BCAT1: variants seen among roughly 807,000 people sequenced by gnomAD.
The protein encoded by BCAT1 is branched chain amino acid transaminase 1.
BCAT1 carries 48 observed loss-of-function variants against 52.4 expected under a neutral mutation model. That is an observed-to-expected ratio of 0.92 (90% CI 0.73 to 1.16). The LOEUF is 1.16. Ranked by LOEUF, BCAT1 falls within the 50% of genes most tolerant of loss-of-function variation. BCAT1 has a pLI of 0.00. For synonymous variants in BCAT1, 167 were observed against 161.3 expected (o/e 1.04, Z -0.27); for missense variants, 451 against 457.1 (o/e 0.99, Z 0.12).
rs1458745289 is a variant in BCAT1 at position 24,813,563 on chromosome 12, CACCATGATA to C, written c.*4436_*4444del. ...ATCTGTGGTGTTAATTTATTAGGTG[CACCATGATA>C]ACTCAACATTGTTTGAAAAGAATTC... On this transcript the variant is annotated 3_prime_UTR_variant, in exon 11 of 11. Coordinates refer to ENST00000261192, the MANE Select transcript of BCAT1 (RefSeq NM_005504.7). 6.6e-6 allele frequency: 1 copy of C among 151,940 alleles called. No homozygotes were observed. Among genetic ancestry groups the C allele is most frequent in the Non-Finnish European group, 1.5e-5 (1 of 67,898 alleles). 9.4% of individuals were successfully genotyped at this position (151,940 alleles called of 1,614,324 possible).
chr12:24,894,479 G>A lies in BCAT1; in HGVS notation c.79-4C>T, dbSNP rs868750341. On this transcript the variant is annotated splice_region_variant and splice_polypyrimidine_tract_variant and intron_variant, in intron 2 of 10. Coordinates refer to ENST00000261192, the MANE Select transcript of BCAT1 (RefSeq NM_005504.7). ...GTGTGACTATTAGGTCTTTAGCCTG[G>A]GGAAGAAAAATCATCACTATTTACA... The A allele has an allele frequency of 6.3e-7, 1 of 1,578,596 alleles. No homozygotes were observed. The highest frequency in any genetic ancestry group is 8.6e-7 in the Non-Finnish European group (1 of 1,160,764).
intron 1 of BCAT1, chr12:24,945,691 G>A (rs1052640027): frequency 4.6e-5 from 7 of 152,174 alleles, no homozygotes; most frequent in Admixed American, 1.3e-4. Flanking sequence ...AAAATTAGCT[G>A]GGCATGGTGG....
chr12:24,819,594 C>T (rs1027521689), intron 10 of BCAT1, among the ~76,000 whole-genome samples: 3 of 152,124 alleles, frequency 2.0e-5, no homozygotes, highest in African/African-American at 7.2e-5. Context: ...GACACTAAGG[C>T]TCTAGGTCAC....
At chr12:24,947,086 A>G (rs1158956131) in intron 1 of BCAT1, among the ~76,000 whole-genome samples, 2 of 150,932 alleles carry the variant, frequency 1.3e-5, no homozygotes, top group Non-Finnish European at 2.9e-5. Context: ...CTAGCTTTAC[A>G]TCTCTGAGCC....
intron 1 of BCAT1, among the ~76,000 whole-genome samples, chr12:24,916,369 T>C (rs968741168): frequency 2.6e-5 from 4 of 152,192 alleles, no homozygotes; most frequent in African/African-American, 9.6e-5. Context: ...ACCAGGTGTG[T>C]CTTTTTCCAA....
chr12:24,869,302 G>T (rs1449415337), intron 5 of BCAT1, among the ~76,000 whole-genome samples: 1 of 152,170 alleles, frequency 6.6e-6, no homozygotes, highest in Non-Finnish European at 1.5e-5. Context: ...GCACACTGGG[G>T]AGCCACAGAC....
At position 24,901,822 on chromosome 12, in the gene BCAT1, T is replaced by C. The variant is rs767158883; in HGVS notation, c.70A>G (p.Thr24Ala). 1.2e-6 allele frequency: 2 copies of C among 1,613,880 alleles called. No individual in the cohort carries two copies. The highest frequency in any genetic ancestry group is 3.3e-5 in the Admixed American group (2 of 60,012). Residue 24 changes from threonine (T) to alanine (A), a missense_variant, in exon 2 of 11, where the codon ACT (threonine) becomes GCT (alanine). Transcript: ENST00000261192. ...TCTGGCAAGCAACTTACCTTAAAAG[T>C]CCCCACCACCTCTTTTGATCCTCCT... The part of the protein sequence containing the change: ...GEGGSKEVVG[T>A]FKAKDLIVTP...
chr12:24,863,570 A>G (rs1438746878), intron 5 of BCAT1, among the ~76,000 whole-genome samples: 1 of 152,234 alleles, frequency 6.6e-6, no homozygotes, highest in Non-Finnish European at 1.5e-5. Context: ...TGAATTATTT[A>G]AAAAGTGGTC....
Position 24,810,627 on chromosome 12 carries a change from A to G in BCAT1, c.*7381T>C, listed in dbSNP as rs756651189. The stretch of plus-strand genomic sequence containing the variant: ...CTAATAACCTTTGCCTAGACCTTCC[A>G]AACTCTGCGCGTAACTTCTTGAGAG... On this transcript the variant is annotated 3_prime_UTR_variant, in exon 11 of 11. Coordinates refer to ENST00000261192, the MANE Select transcript of BCAT1 (RefSeq NM_005504.7). 3.3e-5 allele frequency: 5 copies of G among 152,204 alleles called. No homozygotes were observed. The highest frequency in any genetic ancestry group is 7.3e-5 in the Non-Finnish European group (5 of 68,028). 9.4% of individuals were successfully genotyped at this position (152,204 alleles called of 1,614,324 possible). A position where few individuals can be genotyped will look rare whatever the true frequency, so the allele number is the denominator to read the frequency against.
intron 10 of BCAT1, among the ~76,000 whole-genome samples, chr12:24,827,239 C>T (rs981301047): frequency 1.3e-5 from 2 of 152,000 alleles, no homozygotes; most frequent in African/African-American, 2.4e-5. Context: ...TTTATTTGAG[C>T]AAAACTGTAA....
Position 24,894,407 on chromosome 12 carries a change from A to G in BCAT1, c.147T>C (p.Phe49=), listed in dbSNP as rs1565487129. ...KEKPDPNNLV[F]GTVFTDHMLT... is the part of the protein sequence containing the mutation. Reference sequence around the variant, plus strand: ...GCATATGATCCGTGAACACAGTTCCAAAAACCAGATTATTGGGGTCTGGTT... The same window carrying G: ...GCATATGATCCGTGAACACAGTTCCGAAAACCAGATTATTGGGGTCTGGTT... The change falls in exon 3 of 11, where the codon TTT becomes TTC. Residue 49 remains phenylalanine, a synonymous_variant. Coordinates refer to ENST00000261192, the MANE Select transcript of BCAT1 (RefSeq NM_005504.7). 2 of 1,612,592 alleles carry G rather than the reference A, an allele frequency of 1.2e-6. No homozygotes were observed. Among genetic ancestry groups the G allele is most frequent in the Non-Finnish European group, 1.7e-6 (2 of 1,179,162 alleles).
At chr12:24,830,710 A>T (rs532392827) in intron 9 of BCAT1, 8 of 152,348 alleles carry the variant, frequency 5.3e-5, no homozygotes, top group African/African-American at 1.9e-4. Flanking sequence ...GAAGTGAAAT[A>T]ATAATTCAAC....
rs1446997460 is a variant in BCAT1 at position 24,948,926 on chromosome 12, C to T, written c.6+1G>A. On this transcript the variant is annotated splice_donor_variant, in intron 1 of 10. Transcript: ENST00000261192. LOFTEE classifies it high-confidence loss of function. ...ACACGGACAAAACCATAAGTAGTTA[C>T]CTTCATTGTTCCGTCGGCCACGAGG... 1 of 1,597,430 alleles carries T rather than the reference C, an allele frequency of 6.3e-7. No homozygotes were observed. Among genetic ancestry groups the T allele is most frequent in the African/African-American group, 1.3e-5 (1 of 74,670 alleles).
intron 1 of BCAT1, among the ~76,000 whole-genome samples, chr12:24,932,411 G>A (rs543405077): frequency 1.3e-5 from 2 of 152,286 alleles, no homozygotes; most frequent in South Asian, 4.1e-4. Context: ...TCAGCTGAAA[G>A]TTCACCTTTT....
At chr12:24,894,740 G>A (rs1942921709) in intron 2 of BCAT1, among the ~76,000 whole-genome samples, 1 of 152,048 alleles carries the variant, frequency 6.6e-6, no homozygotes, top group African/African-American at 2.4e-5. Context: ...TAGCAGATGG[G>A]GTAAGATGAT....
intron 8 of BCAT1, chr12:24,833,810 G>C (rs908899357): frequency 7.1e-6 from 1 of 141,576 alleles, no homozygotes; most frequent in Admixed American, 7.1e-5. Context: ...CTCTTTCTAC[G>C]TTTGTCTCTT....
Position 24,835,020 on chromosome 12 carries a change from A to G in BCAT1, c.903+1491T>C, listed in dbSNP as rs114981799. ...GAAAAAATTTCCTCCATAATAACCT[A>G]TTTTTCATGCTAGCAAATCATTAGT... On this transcript the variant is annotated intron_variant, in intron 8 of 10. Coordinates refer to ENST00000261192, the MANE Select transcript of BCAT1 (RefSeq NM_005504.7). Among the ~76,000 whole-genome samples the G allele has an allele frequency of 2.7e-3, 408 of 152,208 alleles. 1 individual carries two copies. The highest frequency in any genetic ancestry group is 9.6e-3 in the African/African-American group (398 of 41,522).
chr12:24,927,621 G>A (rs1171192681), intron 1 of BCAT1, among the ~76,000 whole-genome samples: 1 of 152,224 alleles, frequency 6.6e-6, no homozygotes, highest in Non-Finnish European at 1.5e-5. Flanking sequence ...GCTGACAGTA[G>A]AGAAGGAACT....
intron 1 of BCAT1, among the ~76,000 whole-genome samples, chr12:24,941,075 C>T (rs1943840610): frequency 6.6e-6 from 1 of 152,182 alleles, no homozygotes; most frequent in African/African-American, 2.4e-5. Context: ...AAGACCATTC[C>T]AAGGATGTTT....
Sources: allele counts gnomAD v4.1 joint callset (sites outside exome capture counted in the v4.1 genomes callset), GRCh38; gene constraint gnomAD v4.1.1; transcripts MANE v1.5; gene names NCBI Gene and HGNC (gene_info 2026-07-23, HGNC 2026-07-21).